TRAPPC9: variants seen among roughly 807,000 people sequenced by gnomAD.
The protein encoded by TRAPPC9 is trafficking protein particle complex subunit 9, also known as IKK2 binding protein.
TRAPPC9 carries 83 observed loss-of-function variants against 124.0 expected under a neutral mutation model. The observed-to-expected ratio is 0.67, with a 90% CI of 0.56 to 0.80. The LOEUF (loss-of-function observed/expected upper bound fraction) is 0.80. TRAPPC9 is among the 30% of genes least tolerant of loss of function. TRAPPC9 has a pLI of 0.00. For missense variants in TRAPPC9, 1,302 were observed against 1,508.3 expected, an observed-to-expected ratio of 0.86 and a Z score of 2.27; for synonymous variants, 638 against 617.5, an observed-to-expected ratio of 1.03 and a Z score of -0.49.
intron 21 of TRAPPC9, among the ~76,000 whole-genome samples, chr8:139,740,310 C>T (rs1291970332): frequency 2.0e-5 from 3 of 152,214 alleles, no homozygotes; most frequent in Non-Finnish European, 4.4e-5. Flanking sequence ...CCTGCTATAG[C>T]ACGTCCAGGC....
chr8:139,857,204 G>A (rs185064122), intron 21 of TRAPPC9, among the ~76,000 whole-genome samples: 21 of 152,304 alleles, frequency 1.4e-4, no homozygotes, highest in Middle Eastern at 3.4e-3. Context: ...GCGGTGGAGC[G>A]CCAGGAGGTG....
intron 2 of TRAPPC9, among the ~76,000 whole-genome samples, chr8:140,444,975 G>A (rs542670986): frequency 9.4e-4 from 142 of 151,572 alleles, no homozygotes; most frequent in African/African-American, 3.1e-3. Context: ...ATTCTCCCTC[G>A]CTCAGCTCAT....
intron 17 of TRAPPC9, among the ~76,000 whole-genome samples, chr8:140,206,710 T>C (rs1335717988): frequency 6.6e-6 from 1 of 151,738 alleles, no homozygotes; most frequent in Non-Finnish European, 1.5e-5. Flanking sequence ...TTCAACAATA[T>C]TGCCCCAAAT....
At chr8:140,349,372 GGAA>G (rs2067467621) in intron 9 of TRAPPC9, among the ~76,000 whole-genome samples, 1 of 99,578 alleles carries the variant, frequency 1.0e-5, no homozygotes, top group Non-Finnish European at 2.5e-5. Context: ...GGCGCGCGAG[GGAA>G]GGGCACACAG....
At chr8:140,218,710 A>C (rs2063262307) in intron 17 of TRAPPC9, among the ~76,000 whole-genome samples, 1 of 152,164 alleles carries the variant, frequency 6.6e-6, no homozygotes, top group Non-Finnish European at 1.5e-5. Context: ...CTGTAATCCC[A>C]GCACTTTGGG....
intron 15 of TRAPPC9, among the ~76,000 whole-genome samples, chr8:140,268,273 C>G (rs2064754845): frequency 6.6e-6 from 1 of 152,218 alleles, no homozygotes; most frequent in Admixed American, 6.5e-5. Context: ...CCGCCTCCCT[C>G]ACCCTCCCCA....
intron 18 of TRAPPC9, among the ~76,000 whole-genome samples, chr8:140,015,521 T>TAG (rs1839407894): frequency 6.6e-6 from 1 of 152,076 alleles, no homozygotes; most frequent in Admixed American, 6.5e-5. Context: ...AGGTCCCTAT[T>TAG]AAGAAAGATA....
chr8:140,394,120 T>C (rs1252347303), intron 7 of TRAPPC9, among the ~76,000 whole-genome samples: 2 of 152,244 alleles, frequency 1.3e-5, no homozygotes, highest in Admixed American at 1.3e-4. Flanking sequence ...AAATGTGTGT[T>C]TCTATACCCA....
rs2129907262 is a variant in TRAPPC9 at position 139,729,926 on chromosome 8, C to T, written c.*1135G>A. Among the ~76,000 whole-genome samples the T allele has an allele frequency of 6.6e-6, 1 of 152,286 alleles. No homozygotes were observed. Among genetic ancestry groups the T allele is most frequent in the East Asian group, 1.9e-4 (1 of 5,144 alleles). ...GGGGACCAAGGGCTGTTTATCCTCC[C>T]TGGGACCTGGGGAGCTAAGGGTCAA... On this transcript the variant is annotated 3_prime_UTR_variant, in exon 23 of 23. Transcript: ENST00000438773.
intron 17 of TRAPPC9, among the ~76,000 whole-genome samples, chr8:140,057,316 T>A (rs1400585648): frequency 1.3e-5 from 2 of 152,148 alleles, no homozygotes; most frequent in East Asian, 3.8e-4. Context: ...TACTAAATGA[T>A]CCAGCAATTC....
At chr8:140,264,230 C>T (rs954081787) in intron 15 of TRAPPC9, among the ~76,000 whole-genome samples, 1 of 152,164 alleles carries the variant, frequency 6.6e-6, no homozygotes, top group African/African-American at 2.4e-5. Context: ...GAGAATTGCA[C>T]GAGTAACAGG....
At chr8:140,354,633 G>A (rs973292695) in intron 9 of TRAPPC9, among the ~76,000 whole-genome samples, 1 of 152,148 alleles carries the variant, frequency 6.6e-6, no homozygotes, top group Non-Finnish European at 1.5e-5. Flanking sequence ...CAACCCTGGG[G>A]TCACGTTTTT....
intron 18 of TRAPPC9, among the ~76,000 whole-genome samples, chr8:140,019,943 C>T (rs1385488426): frequency 6.6e-6 from 1 of 152,140 alleles, no homozygotes; most frequent in African/African-American, 2.4e-5. Flanking sequence ...AGGTATCCTC[C>T]TGCCTCAGCC....
At chr8:140,015,283 A>T (rs902054792) in intron 18 of TRAPPC9, among the ~76,000 whole-genome samples, 2 of 150,760 alleles carry the variant, frequency 1.3e-5, no homozygotes, top group African/African-American at 2.4e-5. Context: ...AAATCAGAAA[A>T]CTCTCCGGGC....
chr8:139,820,173 CTTAT>C (rs760558800), intron 21 of TRAPPC9, among the ~76,000 whole-genome samples: 1 of 151,824 alleles, frequency 6.6e-6, no homozygotes, highest in African/African-American at 2.4e-5. Flanking sequence ...AAAAAATTAT[CTTAT>C]TTATTTATTT....
At chr8:140,269,619 G>A (rs927672057) in intron 15 of TRAPPC9, among the ~76,000 whole-genome samples, 15 of 152,016 alleles carry the variant, frequency 9.9e-5, no homozygotes, top group Admixed American at 2.0e-4. Context: ...ATAGGAGGCT[G>A]GATAGATATG....
chr8:139,750,960 C>T (rs919762911), intron 21 of TRAPPC9, among the ~76,000 whole-genome samples: 2 of 152,204 alleles, frequency 1.3e-5, no homozygotes, highest in African/African-American at 4.8e-5. Context: ...CTCTGCCAGG[C>T]AGTGTGATGG....
chr8:139,867,520 A>G (rs1828628247), intron 21 of TRAPPC9, among the ~76,000 whole-genome samples: 1 of 152,180 alleles, frequency 6.6e-6, no homozygotes, highest in African/African-American at 2.4e-5. Flanking sequence ...ACAAAGAGAC[A>G]AGGAGTAGCT....
chr8:139,891,520 G>C (rs1398329841), intron 20 of TRAPPC9, among the ~76,000 whole-genome samples: 1 of 152,228 alleles, frequency 6.6e-6, no homozygotes, highest in Non-Finnish European at 1.5e-5. Context: ...ACTCAGGCTG[G>C]GCCCTGGGCT....
Sources: allele counts gnomAD v4.1 joint callset (sites outside exome capture counted in the v4.1 genomes callset), GRCh38; gene constraint gnomAD v4.1.1; transcripts MANE v1.5; gene names NCBI Gene and HGNC (gene_info 2026-07-23, HGNC 2026-07-21).